Variants in PFDN1 observed in about 807,000 individuals in gnomAD.
PFDN1 encodes prefoldin 1.
PFDN1 carries 6 observed loss-of-function variants against 17.3 expected under a neutral mutation model. The observed-to-expected ratio is 0.35, with a 90% CI of 0.19 to 0.69. The LOEUF (loss-of-function observed/expected upper bound fraction) is 0.69, where lower values mean the gene tolerates loss of function less well. Ranked by LOEUF, PFDN1 falls within the 30% of genes least tolerant of loss-of-function variation. PFDN1 has a pLI of 0.65. For synonymous variants in PFDN1, 58 were observed against 50.1 expected (o/e 1.16, Z -0.67); for missense variants, 113 against 146.2 (o/e 0.77, Z 1.17).
intron 3 of PFDN1, among the ~76,000 whole-genome samples, chr5:140,261,181 AGAAAG>A (rs1765060676): frequency 7.0e-6 from 1 of 142,698 alleles, no homozygotes; most frequent in Non-Finnish European, 1.5e-5. Context: ...AAAAAAAAAA[AGAAAG>A]GATATTTTAA....
chr5:140,302,124 A>C (rs1362685756), intron 1 of PFDN1, among the ~76,000 whole-genome samples: 3 of 152,248 alleles, frequency 2.0e-5, no homozygotes, highest in Admixed American at 6.5e-5. Flanking sequence ...TGCTCATCTG[A>C]AGAACTCAAA....
At chr5:140,265,251 T>G (rs1203809008) in intron 3 of PFDN1, among the ~76,000 whole-genome samples, 1 of 152,112 alleles carries the variant, frequency 6.6e-6, no homozygotes, top group Non-Finnish European at 1.5e-5. Context: ...GAGCAACCCT[T>G]CAGCCTGGCC....
At chr5:140,292,977 G>A (rs1765600629) in intron 2 of PFDN1, 1 of 152,052 alleles carries the variant, frequency 6.6e-6, no homozygotes, top group South Asian at 2.1e-4. Flanking sequence ...GAACATTTCA[G>A]TCCTCTCTCT....
intron 2 of PFDN1, among the ~76,000 whole-genome samples, chr5:140,284,441 T>C (rs1270867205): frequency 6.6e-6 from 1 of 152,248 alleles, no homozygotes; most frequent in Non-Finnish European, 1.5e-5. Flanking sequence ...AAACATCTGA[T>C]TTCTGAAAAA....
intron 3 of PFDN1, among the ~76,000 whole-genome samples, chr5:140,276,295 C>A (rs1364894620): frequency 6.6e-6 from 1 of 151,894 alleles, no homozygotes; most frequent in Non-Finnish European, 1.5e-5. Context: ...AACAGAGTAA[C>A]CAGAGAACAC....
chr5:140,261,355 C>T (rs1398751114), intron 3 of PFDN1, among the ~76,000 whole-genome samples: 1 of 152,086 alleles, frequency 6.6e-6, no homozygotes, highest in Non-Finnish European at 1.5e-5. Flanking sequence ...AACTTTAATG[C>T]TGTAAGCAAA....
At chr5:140,278,591 AAAAC>A (rs1765341529) in intron 3 of PFDN1, among the ~76,000 whole-genome samples, 1 of 151,112 alleles carries the variant, frequency 6.6e-6, no homozygotes, top group African/African-American at 2.4e-5. Flanking sequence ...AAAAAAACAA[AAAAC>A]AAAACATAAG....
intron 2 of PFDN1, among the ~76,000 whole-genome samples, chr5:140,298,149 G>C (rs188120417): frequency 6.6e-6 from 1 of 152,128 alleles, no homozygotes; most frequent in East Asian, 1.9e-4. Context: ...ATATGAGCTT[G>C]GACATAAAAT....
chr5:140,281,268 G>C, intron 3 of PFDN1, 181 bp downstream of exon 3: 1 of 423,756 alleles, frequency 2.4e-6, no homozygotes, highest in Non-Finnish European at 4.2e-6. Flanking sequence ...TTTTTTTTTT[G>C]TTTTGGTCTT....
intron 1 of PFDN1, among the ~76,000 whole-genome samples, chr5:140,301,246 T>C (rs905251852): frequency 1.3e-5 from 2 of 152,170 alleles, no homozygotes; most frequent in Non-Finnish European, 2.9e-5. Context: ...ATATTCATAA[T>C]ATGAACATTT....
intron 3 of PFDN1, among the ~76,000 whole-genome samples, chr5:140,258,212 C>T (rs930681653): frequency 2.0e-5 from 3 of 152,094 alleles, no homozygotes; most frequent in East Asian, 1.9e-4. Flanking sequence ...AAAACAATCT[C>T]ACTCAGCTGA....
At chr5:140,275,009 A>C (rs1288307395) in intron 3 of PFDN1, among the ~76,000 whole-genome samples, 1 of 151,700 alleles carries the variant, frequency 6.6e-6, no homozygotes, top group Non-Finnish European at 1.5e-5. Flanking sequence ...AAAAAAAAAA[A>C]AGTAAAAGGA....
intron 3 of PFDN1, among the ~76,000 whole-genome samples, chr5:140,248,485 C>T (rs1025344769): frequency 3.3e-5 from 5 of 152,338 alleles, no homozygotes; most frequent in African/African-American, 1.2e-4. Flanking sequence ...AGCAATAGCT[C>T]GGTGCCATAC....
rs58605224 is a variant in PFDN1 at position 140,264,020 on chromosome 5, C to CAAAAAAA, written c.285+17422_285+17428dup. On this transcript the variant is annotated intron_variant, in intron 3 of 3. Transcript: ENST00000261813. ...TGGGGGTCAGAGTGAGACTCCATCT[C>CAAAAAAA]AAAAAAAAAAAAAAAAAAAAAAAAA... is the stretch of plus-strand genomic sequence containing the variant. Among the ~76,000 whole-genome samples, 234 of 55,554 alleles carry CAAAAAAA rather than the reference C, an allele frequency of 4.2e-3. 44 individuals carry two copies. Among genetic ancestry groups the CAAAAAAA allele is most frequent in the Non-Finnish European group, 6.3e-3 (188 of 30,030 alleles). 36.4% of individuals were successfully genotyped at this position (55,554 alleles called of 152,430 possible).
intron 1 of PFDN1, among the ~76,000 whole-genome samples, chr5:140,301,819 T>C (rs1314929031): frequency 2.6e-5 from 4 of 152,210 alleles, no homozygotes; most frequent in African/African-American, 9.7e-5. Flanking sequence ...GGTAAATTTT[T>C]AGAATGCACA....
chr5:140,263,817 C>T (rs1004542344), intron 3 of PFDN1, among the ~76,000 whole-genome samples: 2 of 151,358 alleles, frequency 1.3e-5, no homozygotes, highest in East Asian at 1.9e-4. Flanking sequence ...GTCAGGAGAT[C>T]GAGACCATCC....
At chr5:140,282,229 T>C (rs572021563) in intron 2 of PFDN1, among the ~76,000 whole-genome samples, 1 of 148,230 alleles carries the variant, frequency 6.7e-6, no homozygotes, top group South Asian at 2.1e-4. Flanking sequence ...AAAATCAGGC[T>C]TCAAGTAGAT....
At chr5:140,264,914 T>C (rs1392228299) in intron 3 of PFDN1, among the ~76,000 whole-genome samples, 2 of 152,034 alleles carry the variant, frequency 1.3e-5, no homozygotes, top group African/African-American at 4.8e-5. Context: ...AATATGTGAG[T>C]ATATATAGGG....
At chr5:140,256,906 CAA>C (rs1421176901) in intron 3 of PFDN1, among the ~76,000 whole-genome samples, 3 of 152,068 alleles carry the variant, frequency 2.0e-5, no homozygotes, top group Non-Finnish European at 4.4e-5. Context: ...CACACTGAAT[CAA>C]GTTAGCCTCT....
Sources: allele counts gnomAD v4.1 joint callset (sites outside exome capture counted in the v4.1 genomes callset), GRCh38; gene constraint gnomAD v4.1.1; transcripts MANE v1.5; gene names NCBI Gene and HGNC (gene_info 2026-07-23, HGNC 2026-07-21).